PACRG: variants seen among roughly 807,000 people sequenced by gnomAD.
PACRG encodes parkin coregulated gene protein.
Under a neutral mutation model 29.7 loss-of-function variants are expected in PACRG, and 29 were observed. The observed-to-expected ratio is 0.98, with a 90% CI of 0.73 to 1.33. The LOEUF is 1.33. PACRG is among the 40% of genes most tolerant of loss of function. The pLI, the probability that PACRG is intolerant of heterozygous loss-of-function variation, is 0.00. For synonymous variants in PACRG, 116 were observed against 118.7 expected, an observed-to-expected ratio of 0.98 and a Z score of 0.15; for missense variants, 279 against 316.2, an observed-to-expected ratio of 0.88 and a Z score of 0.89.
chr6:163,277,536 T>C (rs2128182684), intron 4 of PACRG, among the ~76,000 whole-genome samples: 1 of 148,978 alleles, frequency 6.7e-6, no homozygotes, highest in African/African-American at 2.5e-5. Context: ...TATATACATA[T>C]ATGTGTATAT....
At chr6:163,311,368 A>T (rs1785406045) in intron 4 of PACRG, among the ~76,000 whole-genome samples, 1 of 152,220 alleles carries the variant, frequency 6.6e-6, no homozygotes, top group Admixed American at 6.5e-5. Flanking sequence ...TTCTAAATTG[A>T]AGTGTCATTT....
intron 4 of PACRG, among the ~76,000 whole-genome samples, chr6:163,248,236 C>T (rs1782766736): frequency 6.6e-6 from 1 of 152,294 alleles, no homozygotes. Context: ...AAGAAAGATT[C>T]CCTTCTTTGT....
At chr6:162,950,131 G>T (rs1584845280) in intron 2 of PACRG, among the ~76,000 whole-genome samples, 1 of 152,006 alleles carries the variant, frequency 6.6e-6, no homozygotes, top group East Asian at 1.9e-4. Flanking sequence ...CTAAGTTTTT[G>T]TTTCCATTTT....
chr6:162,869,067 A>T (rs548892980), intron 2 of PACRG, among the ~76,000 whole-genome samples: 33 of 152,274 alleles, frequency 2.2e-4, no homozygotes, highest in African/African-American at 4.3e-4. Flanking sequence ...CGATGGCTTC[A>T]TGGGTCTTTA....
At chr6:163,249,729 G>A (rs1265271048) in intron 4 of PACRG, among the ~76,000 whole-genome samples, 1 of 152,234 alleles carries the variant, frequency 6.6e-6, no homozygotes, top group Non-Finnish European at 1.5e-5. Flanking sequence ...AGTTGACTGT[G>A]AAGTGTGAGT....
intron 1 of PACRG, among the ~76,000 whole-genome samples, chr6:162,773,681 A>C (rs1783419038): frequency 1.3e-5 from 2 of 151,214 alleles, no homozygotes. Context: ...CGCCCGGCTA[A>C]TTTTTTTGTA....
intron 4 of PACRG, among the ~76,000 whole-genome samples, chr6:163,245,737 G>A (rs1453884663): frequency 6.6e-6 from 1 of 152,142 alleles, no homozygotes; most frequent in Non-Finnish European, 1.5e-5. Flanking sequence ...CAGCCGCTGT[G>A]CTTGGATGTC....
intron 4 of PACRG, among the ~76,000 whole-genome samples, chr6:163,295,883 TA>T (rs577061410): frequency 1.3e-3 from 203 of 152,296 alleles, no homozygotes; most frequent in African/African-American, 4.8e-3. Context: ...ATAAAACTCC[TA>T]GCCTGATGCC....
chr6:163,202,741 T>G (rs990834937), intron 4 of PACRG, among the ~76,000 whole-genome samples: 2 of 152,154 alleles, frequency 1.3e-5, no homozygotes, highest in African/African-American at 2.4e-5. Context: ...CAAAAAAAAG[T>G]AATAAATATG....
At chr6:162,830,676 G>A (rs1035812208) in intron 2 of PACRG, among the ~76,000 whole-genome samples, 2 of 152,204 alleles carry the variant, frequency 1.3e-5, no homozygotes, top group African/African-American at 4.8e-5. Context: ...ATTAAAGGAT[G>A]GTGATCTAGT....
At position 162,808,464 on chromosome 6, in the gene PACRG, A is replaced by C. The variant is rs187069552; in HGVS notation, c.157-5683A>C. ...CAGCTTCAGTTTATGCTAAATAATA[A>C]AAATAGTGAAAAGGAAATTTTCAAA... On this transcript the variant is annotated intron_variant, in intron 1 of 4. Transcript: ENST00000366888. Among the ~76,000 whole-genome samples the C allele has an allele frequency of 1.8e-3, 280 of 152,312 alleles. 2 individuals are homozygous for C. The highest frequency in any genetic ancestry group is 0.01 in the Middle Eastern group (3 of 294).
intron 1 of PACRG, among the ~76,000 whole-genome samples, chr6:162,767,134 G>A (rs776400390): frequency 2.0e-5 from 3 of 152,000 alleles, no homozygotes; most frequent in Non-Finnish European, 4.4e-5. Flanking sequence ...GAGTACTACA[G>A]AAGAATGTAA....
intron 1 of PACRG, among the ~76,000 whole-genome samples, chr6:162,788,023 A>G (rs1784647472): frequency 6.6e-6 from 1 of 152,148 alleles, no homozygotes; most frequent in South Asian, 2.1e-4. Context: ...CTGCACTGAC[A>G]CATCATTGTC....
intron 2 of PACRG, among the ~76,000 whole-genome samples, chr6:163,057,346 A>G (rs1435145589): frequency 6.6e-6 from 1 of 152,194 alleles, no homozygotes; most frequent in Non-Finnish European, 1.5e-5. Flanking sequence ...TTCAAAATAA[A>G]TTTTGGTCTC....
intron 2 of PACRG, among the ~76,000 whole-genome samples, chr6:162,954,046 G>A (rs1232191616): frequency 1.3e-5 from 2 of 152,000 alleles, no homozygotes; most frequent in Non-Finnish European, 1.5e-5. Context: ...TTTGCTAATT[G>A]AGTAGTAAAT....
At chr6:163,185,639 G>A (rs1007187744) in intron 4 of PACRG, among the ~76,000 whole-genome samples, 5 of 152,180 alleles carry the variant, frequency 3.3e-5, no homozygotes, top group African/African-American at 1.2e-4. Flanking sequence ...AGATGCTGGA[G>A]GAAATCGCGG....
intron 2 of PACRG, among the ~76,000 whole-genome samples, chr6:162,997,935 C>T (rs1315772432): frequency 6.6e-6 from 1 of 152,112 alleles, no homozygotes; most frequent in African/African-American, 2.4e-5. Flanking sequence ...AGATACACTC[C>T]CTCCTTTCTC....
chr6:162,913,983 T>TAAA (rs199640699), intron 2 of PACRG, among the ~76,000 whole-genome samples: 6 of 58,070 alleles, frequency 1.0e-4, no homozygotes, highest in Admixed American at 5.5e-4. Context: ...ATGCTTTGTC[T>TAAA]ATGTGTTTCA....
rs1562556530 is a variant in PACRG at position 162,747,365 on chromosome 6, CACATACATAT to C, written c.156+18976_156+18985del. On this transcript the variant is annotated intron_variant, in intron 1 of 4. Coordinates refer to ENST00000366888, the MANE Select transcript of PACRG (RefSeq NM_001080379.2). ...ATATATATATATATATATATATATA[CACATACATAT>C]ATATGTATATATATGTATATATATA... Among the ~76,000 whole-genome samples the C allele has an allele frequency of 1.7e-3, 75 of 44,648 alleles. 5 individuals are homozygous for C. Among genetic ancestry groups the C allele is most frequent in the African/African-American group, 6.8e-3 (73 of 10,674 alleles). 29.3% of individuals were successfully genotyped at this position (44,648 alleles called of 152,430 possible).
Sources: allele counts gnomAD v4.1 joint callset (sites outside exome capture counted in the v4.1 genomes callset), GRCh38; gene constraint gnomAD v4.1.1; transcripts MANE v1.5; gene names NCBI Gene and HGNC (gene_info 2026-07-23, HGNC 2026-07-21).